Variants in MAML2 observed in about 807,000 individuals in gnomAD.
The protein encoded by MAML2 is mastermind-like protein 2.
Under a neutral mutation model 96.1 loss-of-function variants are expected in MAML2, and 22 were observed. That is an observed-to-expected ratio of 0.23 (90% CI 0.16 to 0.33). The LOEUF is 0.33. MAML2 is among the 10% of genes least tolerant of loss of function. MAML2 has a pLI of 1.00. For synonymous variants in MAML2, 561 were observed against 521.3 expected, an observed-to-expected ratio of 1.08 and a Z score of -1.04; for missense variants, 1,367 against 1,392.4, an observed-to-expected ratio of 0.98 and a Z score of 0.29.
At chr11:96,317,370 C>T (rs1468955004) in intron 1 of MAML2, among the ~76,000 whole-genome samples, 1 of 152,188 alleles carries the variant, frequency 6.6e-6, no homozygotes, top group African/African-American at 2.4e-5. Flanking sequence ...ATTTCAAAAA[C>T]TTCCAAGACT....
chr11:96,234,309 A>G (rs370028515), intron 1 of MAML2, among the ~76,000 whole-genome samples: 1 of 152,046 alleles, frequency 6.6e-6, no homozygotes, highest in Non-Finnish European at 1.5e-5. Flanking sequence ...TGGAGGAACC[A>G]TGTCTCTACT....
intron 1 of MAML2, among the ~76,000 whole-genome samples, chr11:96,257,194 A>C (rs1419402829): frequency 6.6e-6 from 1 of 152,218 alleles, no homozygotes; most frequent in African/African-American, 2.4e-5. Flanking sequence ...TTTTATTGTC[A>C]AATTTCCTGT....
At chr11:96,251,232 G>A (rs1264004986) in intron 1 of MAML2, among the ~76,000 whole-genome samples, 1 of 152,336 alleles carries the variant, frequency 6.6e-6, no homozygotes, top group Middle Eastern at 3.4e-3. Flanking sequence ...GTAGAGTACA[G>A]GCATGAGGCC....
chr11:96,071,428 C>T (rs79251442), intron 2 of MAML2, among the ~76,000 whole-genome samples: 2,018 of 152,340 alleles, frequency 0.013, 40 homozygotes, highest in African/African-American at 0.045. Context: ...CCCATGGAGA[C>T]GTGTAGCTCC....
intron 1 of MAML2, among the ~76,000 whole-genome samples, chr11:96,259,400 C>T (rs1469229249): frequency 1.3e-5 from 2 of 152,208 alleles, no homozygotes; most frequent in South Asian, 2.1e-4. Flanking sequence ...TAATGTGCTT[C>T]GCTCCAATGC....
intron 2 of MAML2, among the ~76,000 whole-genome samples, chr11:96,056,824 G>A (rs764058648): frequency 1.8e-4 from 27 of 152,168 alleles, no homozygotes; most frequent in Non-Finnish European, 3.5e-4. Context: ...CAAGCCCTAC[G>A]TGTGGGAGGC....
chr11:96,204,919 A>T (rs753544717), intron 1 of MAML2, among the ~76,000 whole-genome samples: 1 of 152,152 alleles, frequency 6.6e-6, no homozygotes, highest in African/African-American at 2.4e-5. Context: ...CTTCATTCTT[A>T]TTACATTGAT....
At chr11:96,173,710 A>G (rs1479001238) in intron 1 of MAML2, among the ~76,000 whole-genome samples, 1 of 152,244 alleles carries the variant, frequency 6.6e-6, no homozygotes, top group Non-Finnish European at 1.5e-5. Flanking sequence ...CAGAGGCCAC[A>G]GGGGCGTCGA....
chr11:96,213,426 C>A (rs1862000077), intron 1 of MAML2, among the ~76,000 whole-genome samples: 2 of 152,214 alleles, frequency 1.3e-5, no homozygotes, highest in Admixed American at 6.5e-5. Flanking sequence ...ATTACATTAA[C>A]AAACACTAAC....
intron 3 of MAML2, among the ~76,000 whole-genome samples, chr11:95,988,113 ATGTGTG>A (rs141507951): frequency 2.1e-5 from 3 of 145,378 alleles, no homozygotes; most frequent in East Asian, 4.1e-4. Flanking sequence ...TGAAGACAGG[ATGTGTG>A]TGTGTGTGTG....
At chr11:96,138,589 T>G (rs1345419590) in intron 1 of MAML2, among the ~76,000 whole-genome samples, 1 of 152,000 alleles carries the variant, frequency 6.6e-6, no homozygotes, top group Non-Finnish European at 1.5e-5. Context: ...TACCCCCAAG[T>G]GGTCAGCCAG....
At chr11:96,142,009 T>G (rs1234952804) in intron 1 of MAML2, among the ~76,000 whole-genome samples, 1 of 152,222 alleles carries the variant, frequency 6.6e-6, no homozygotes, top group Non-Finnish European at 1.5e-5. Context: ...TACCAACGTA[T>G]AGCATGCAGT....
chr11:96,340,281 A>G (rs868272615), intron 1 of MAML2, among the ~76,000 whole-genome samples: 9 of 152,230 alleles, frequency 5.9e-5, no homozygotes, highest in African/African-American at 2.2e-4. Flanking sequence ...TGGGGCTTGC[A>G]TGGCCATTTC....
chr11:96,338,314 G>C (rs967486020), intron 1 of MAML2, among the ~76,000 whole-genome samples: 1 of 152,220 alleles, frequency 6.6e-6, no homozygotes, highest in African/African-American at 2.4e-5. Context: ...CCCTCTGAAA[G>C]GCCCTGTTCC....
At chr11:96,233,902 G>T (rs1314533321) in intron 1 of MAML2, among the ~76,000 whole-genome samples, 2 of 152,178 alleles carry the variant, frequency 1.3e-5, no homozygotes, top group Non-Finnish European at 2.9e-5. Context: ...GAAGTAGTCT[G>T]CACCTGCTCA....
chr11:96,250,273 T>A (rs1190532259), intron 1 of MAML2, among the ~76,000 whole-genome samples: 1 of 115,328 alleles, frequency 8.7e-6, no homozygotes. Context: ...CTTAAAATTT[T>A]ATTTTTTAAA....
intron 1 of MAML2, among the ~76,000 whole-genome samples, chr11:96,268,915 T>C (rs1862870502): frequency 6.9e-6 from 1 of 144,750 alleles, no homozygotes; most frequent in South Asian, 2.2e-4. Flanking sequence ...AGTATGTCTT[T>C]ATTGGCAGCA....
At chr11:96,330,139 C>A (rs1192504525) in intron 1 of MAML2, among the ~76,000 whole-genome samples, 1 of 152,052 alleles carries the variant, frequency 6.6e-6, no homozygotes, top group African/African-American at 2.4e-5. Context: ...ACAGCATCAC[C>A]CAGGAGGGAA....
At chr11:96,260,609 C>T (rs1262848769) in intron 1 of MAML2, among the ~76,000 whole-genome samples, 1 of 152,114 alleles carries the variant, frequency 6.6e-6, no homozygotes, top group Non-Finnish European at 1.5e-5. Flanking sequence ...CAGTTTAAGA[C>T]TATGAGAGAA....
Sources: allele counts gnomAD v4.1 joint callset (sites outside exome capture counted in the v4.1 genomes callset), GRCh38; gene constraint gnomAD v4.1.1; transcripts MANE v1.5; gene names NCBI Gene and HGNC (gene_info 2026-07-23, HGNC 2026-07-21).